The following PCNX2 variants were observed in gnomAD, a reference collection of about 807,000 sequenced individuals.
PCNX2 encodes the protein pecanex-like protein 2.
In PCNX2, 168 loss-of-function variants were observed where a neutral mutation model predicts 223.8. The ratio of observed to expected loss-of-function variants is 0.75; its 90% CI spans 0.66 to 0.85. PCNX2 has a LOEUF of 0.85. PCNX2 is among the 40% of genes least tolerant of loss of function. The pLI, the probability that PCNX2 is intolerant of heterozygous loss-of-function variation, is 0.00. For synonymous variants in PCNX2, 1,006 were observed against 1,052.6 expected, an observed-to-expected ratio of 0.96 and a Z score of 0.86; for missense variants, 2,507 against 2,675.5, an observed-to-expected ratio of 0.94 and a Z score of 1.39.
the PCNX2 span, among the ~76,000 whole-genome samples, chr1:233,305,260 C>T: frequency 6.6e-6 from 1 of 151,478 alleles, no homozygotes; most frequent in South Asian, 2.1e-4. Flanking sequence ...TGTTGAAGGA[C>T]TTATAATGTA....
At chr1:233,057,474 C>G in intron 23 of PCNX2, 184 bp from the exon 24 acceptor site, 1 of 577,546 alleles carries the variant, frequency 1.7e-6, no homozygotes. Flanking sequence ...ATAGAGGGAG[C>G]AGTACAAGAA....
chr1:233,264,934 T>C (rs1215735799), intron 1 of PCNX2, among the ~76,000 whole-genome samples: 1 of 152,268 alleles, frequency 6.6e-6, no homozygotes, highest in East Asian at 1.9e-4. Flanking sequence ...AAACAGATTA[T>C]TGTTATATAA....
chr1:233,315,012 G>A, the PCNX2 span, among the ~76,000 whole-genome samples: 4 of 152,126 alleles, frequency 2.6e-5, no homozygotes, highest in Non-Finnish European at 4.4e-5. Flanking sequence ...TAACAAAGAC[G>A]ACCCTATAGG....
chr1:233,067,517 G>A (rs567782713), intron 23 of PCNX2, among the ~76,000 whole-genome samples: 5 of 151,028 alleles, frequency 3.3e-5, no homozygotes, highest in South Asian at 4.2e-4. Flanking sequence ...TCTGTCATCC[G>A]GGCTGAAGTG....
chr1:233,180,899 C>CGAGGGTGGG (rs1679759046), intron 15 of PCNX2: 1 of 152,190 alleles, frequency 6.6e-6, no homozygotes, highest in African/African-American at 2.4e-5. Flanking sequence ...TCAGCTTCCC[C>CGAGGGTGGG]GAGGGTGGGG....
intron 26 of PCNX2, chr1:233,018,649 G>A: frequency 2.0e-6 from 1 of 502,330 alleles, no homozygotes; most frequent in Non-Finnish European, 2.6e-6. Flanking sequence ...GGATCAGGGT[G>A]TGCTGCTGTG....
At chr1:233,029,091 G>A (rs1038747815) in intron 25 of PCNX2, among the ~76,000 whole-genome samples, 13 of 152,078 alleles carry the variant, frequency 8.5e-5, no homozygotes, top group African/African-American at 3.1e-4. Context: ...ACCCACCTTG[G>A]CCTCCCAAAG....
chr1:233,077,538 C>T (rs1464104604), intron 23 of PCNX2, among the ~76,000 whole-genome samples: 1 of 152,008 alleles, frequency 6.6e-6, no homozygotes, highest in African/African-American at 2.4e-5. Flanking sequence ...GAAACTTTTC[C>T]TACCCAAACA....
At chr1:233,250,445 G>T in intron 8 of PCNX2, 1 of 634,332 alleles carries the variant, frequency 1.6e-6, no homozygotes, top group Non-Finnish European at 2.0e-6. Context: ...TTTGAGAGCT[G>T]TATCACCATC....
rs183254011 is a variant in PCNX2, at chr1:233,244,396, G to A, written c.2222+6343C>T. On this transcript the variant is annotated intron_variant, in intron 8 of 33. Transcript: ENST00000258229. ...AGCTTTCATACAGACAGGGAAAATT[G>A]TTTCCTTATGAACTAATAAAACACA... is the stretch of plus-strand genomic sequence containing the variant. 1.6e-4 allele frequency among the ~76,000 whole-genome samples: 25 copies of A among 152,228 alleles called. No homozygotes were observed. The East Asian group carries it at 4.8e-3, about 29-fold the overall frequency.
chr1:233,038,872 G>C (rs1671547784), intron 25 of PCNX2, among the ~76,000 whole-genome samples: 1 of 152,208 alleles, frequency 6.6e-6, no homozygotes. Flanking sequence ...CAAACTATGA[G>C]ATGGCTGATA....
chr1:233,116,606 A>C (rs1461788028), intron 21 of PCNX2, among the ~76,000 whole-genome samples: 1 of 152,192 alleles, frequency 6.6e-6, no homozygotes, highest in Non-Finnish European at 1.5e-5. Context: ...GAATTGAATG[A>C]AAATGAATGT....
intron 15 of PCNX2, among the ~76,000 whole-genome samples, chr1:233,185,259 T>C (rs923368276): frequency 6.6e-6 from 1 of 152,190 alleles, no homozygotes; most frequent in Middle Eastern, 3.4e-3. Context: ...TCAAGAAAGA[T>C]TACCTTTAGA....
chr1:233,259,903 A>G (rs1193269444), intron 4 of PCNX2: 2 of 737,414 alleles, frequency 2.7e-6, no homozygotes, highest in Non-Finnish European at 3.3e-6. Flanking sequence ...GCAATACAGT[A>G]TAACAACTAT....
chr1:233,072,537 T>C (rs1672902342), intron 23 of PCNX2, among the ~76,000 whole-genome samples: 1 of 152,162 alleles, frequency 6.6e-6, no homozygotes, highest in African/African-American at 2.4e-5. Context: ...CTATCACTGA[T>C]GGGCATTTAG....
chr1:233,069,145 A>C (rs1305916319), intron 23 of PCNX2, among the ~76,000 whole-genome samples: 1 of 152,188 alleles, frequency 6.6e-6, no homozygotes, highest in Non-Finnish European at 1.5e-5. Flanking sequence ...AGGACGGTTG[A>C]TCCACAAAGA....
chr1:233,291,404 G>T (rs1661754861), intron 1 of PCNX2, among the ~76,000 whole-genome samples: 1 of 152,128 alleles, frequency 6.6e-6, no homozygotes, highest in Non-Finnish European at 1.5e-5. Context: ...GATGTCGGGA[G>T]TTCAAGACCA....
chr1:233,059,563 CTT>C (rs71797204), intron 23 of PCNX2, among the ~76,000 whole-genome samples: 10,553 of 152,248 alleles, frequency 0.069, 945 homozygotes, highest in African/African-American at 0.21. Flanking sequence ...TCATACATCT[CTT>C]TGTGTAATTA....
At chr1:233,239,690 C>A (rs2102968489) in intron 8 of PCNX2, among the ~76,000 whole-genome samples, 1 of 152,282 alleles carries the variant, frequency 6.6e-6, no homozygotes, top group South Asian at 2.1e-4. Context: ...GTGAACACTG[C>A]CTTTCATATA....
Sources: allele counts gnomAD v4.1 joint callset (sites outside exome capture counted in the v4.1 genomes callset), GRCh38; gene constraint gnomAD v4.1.1; transcripts MANE v1.5; gene names NCBI Gene and HGNC (gene_info 2026-07-23, HGNC 2026-07-21).